Variants in AQR observed in about 807,000 individuals in gnomAD.
AQR encodes aquarius intron-binding spliceosomal factor.
AQR carries 61 observed loss-of-function variants against 180.5 expected under a neutral mutation model. That is an observed-to-expected ratio of 0.34 (90% CI 0.28 to 0.42). The LOEUF (loss-of-function observed/expected upper bound fraction) is 0.42. Ranked by LOEUF, AQR falls within the 10% of genes least tolerant of loss-of-function variation. The pLI is 1.00. For synonymous variants in AQR, 551 were observed against 588.8 expected (o/e 0.94, Z 0.93); for missense variants, 1,281 against 1,798.3 (o/e 0.71, Z 5.20).
chr15:34,960,868 A>C, intron 2 of AQR, 54 bp from the exon 3 acceptor site: 1 of 649,480 alleles, frequency 1.5e-6, no homozygotes, highest in Non-Finnish European at 2.5e-6. Context: ...TTCAACCCTA[A>C]ATTGACAGTT....
intron 14 of AQR, among the ~76,000 whole-genome samples, chr15:34,918,969 T>C (rs1893640743): frequency 6.6e-6 from 1 of 152,214 alleles, no homozygotes; most frequent in Non-Finnish European, 1.5e-5. Context: ...CCGGGTGCAG[T>C]GGCTCATGCC....
intron 14 of AQR, among the ~76,000 whole-genome samples, chr15:34,919,475 G>A (rs1017135693): frequency 2.1e-4 from 32 of 152,106 alleles, no homozygotes; most frequent in Non-Finnish European, 4.6e-4. Context: ...TAATGTTGTA[G>A]CACTATACAT....
intron 10 of AQR, among the ~76,000 whole-genome samples, chr15:34,932,783 T>C (rs1347185636): frequency 6.6e-6 from 1 of 152,052 alleles, no homozygotes; most frequent in Non-Finnish European, 1.5e-5. Flanking sequence ...GGCAAAACCC[T>C]ATCTCTACTA....
chr15:34,856,655 C>T lies in AQR; in HGVS notation c.*137G>A, dbSNP rs1203276341. ...ATTTAAAAAAATATATTCAAGACAC[C>T]GAAATCAGTTAACAAATATAAGAAC... On this transcript the variant is annotated 3_prime_UTR_variant, in exon 35 of 35. Transcript: ENST00000156471. 10 of 675,880 alleles carry T rather than the reference C, an allele frequency of 1.5e-5. No homozygotes were observed. Among genetic ancestry groups the T allele is most frequent in the South Asian group, 4.3e-5 (1 of 23,316 alleles). 41.9% of individuals were successfully genotyped at this position (675,880 alleles called of 1,614,324 possible).
intron 4 of AQR, among the ~76,000 whole-genome samples, chr15:34,950,839 T>C (rs1295950850): frequency 6.6e-6 from 1 of 152,228 alleles, no homozygotes; most frequent in Non-Finnish European, 1.5e-5. Context: ...ATACATATGC[T>C]TCCAGAGTAT....
intron 11 of AQR, among the ~76,000 whole-genome samples, chr15:34,931,960 T>G (rs928298971): frequency 2.0e-5 from 3 of 152,250 alleles, no homozygotes; most frequent in African/African-American, 7.2e-5. Context: ...TACTTCTACA[T>G]GATCAACTAT....
At chr15:34,931,150 A>G (rs1893853495) in intron 11 of AQR, among the ~76,000 whole-genome samples, 3 of 152,050 alleles carry the variant, frequency 2.0e-5, no homozygotes, top group Non-Finnish European at 2.9e-5. Context: ...TGCTTCTTTT[A>G]GGGAAAAACA....
At chr15:34,963,661 C>CTTTTTTTTTCTTTTTTTTTTTT (rs1566793151) in intron 2 of AQR, among the ~76,000 whole-genome samples, 2 of 148,684 alleles carry the variant, frequency 1.3e-5, no homozygotes, top group African/African-American at 5.0e-5. Context: ...TACACGTACA[C>CTTTTTTTTTCTTTTTTTTTTTT]TTTTTTTTTT....
chr15:34,914,750 C>T (rs1045725710), intron 16 of AQR, among the ~76,000 whole-genome samples: 3 of 152,162 alleles, frequency 2.0e-5, no homozygotes, highest in Admixed American at 6.5e-5. Context: ...AAGGTCTGAC[C>T]TACTCCCTCT....
intron 30 of AQR, among the ~76,000 whole-genome samples, 198 bp from the exon 31 acceptor site, chr15:34,871,120 C>G (rs1406034588): frequency 6.6e-6 from 1 of 152,144 alleles, no homozygotes; most frequent in Non-Finnish European, 1.5e-5. Flanking sequence ...TAAATACAAA[C>G]TTTTAATTTG....
chr15:34,861,012 TAG>T (rs1264148197), intron 33 of AQR, among the ~76,000 whole-genome samples: 1 of 152,212 alleles, frequency 6.6e-6, no homozygotes, highest in Non-Finnish European at 1.5e-5. Context: ...CACCCTAAAA[TAG>T]AGATTAACAA....
In AQR at chr15:34,886,564, A is replaced by G. The variant is rs778277781; in HGVS notation, c.2779T>C (p.Tyr927His). ...AAATAGCCTGCAGTTTCACAGGTATATGAGGCATCTCCTGGAACCCCTAGA... is the reference window on the plus strand; with the variant it reads ...AAATAGCCTGCAGTTTCACAGGTATGTGAGGCATCTCCTGGAACCCCTAGA... ...KSLGVPGDAS[Y>H]TCETAGYFFL... The change falls in exon 25 of 35, where the codon TAT becomes CAT. Residue 927 changes from tyrosine (Y) to histidine (H), a missense_variant. By Grantham distance (83) the Tyr-to-His change is moderately conservative. Around this residue, in one of 9 missense-constraint regions of AQR, gnomAD observed 125 missense variants for 185.0 expected, o/e 0.68. Transcript: ENST00000156471. The G allele has an allele frequency of 2.3e-5, 37 of 1,613,466 alleles. No individual in the cohort carries two copies. Among genetic ancestry groups the G allele is most frequent in the Non-Finnish European group, 3.1e-5 (36 of 1,179,908 alleles).
intron 4 of AQR, among the ~76,000 whole-genome samples, chr15:34,951,594 C>A (rs1449597392): frequency 6.6e-6 from 1 of 151,732 alleles, no homozygotes. Context: ...TCGCTTCTAC[C>A]CGGGAAGTGG....
Position 34,897,715 on chromosome 15 carries a change from C to A in AQR, c.2244-10G>T, listed in dbSNP as rs760666821. 22 of 1,613,038 alleles carry A rather than the reference C, an allele frequency of 1.4e-5. No homozygotes were observed. In the African/African-American group the frequency reaches 2.9e-4, roughly 22 times the overall value. On this transcript the variant is annotated splice_polypyrimidine_tract_variant and intron_variant, in intron 20 of 34. Coordinates refer to ENST00000156471, the MANE Select transcript of AQR (RefSeq NM_014691.3). ...TACTGGAAAAGTTATCCTACAAGAC[C>A]AAAACTTCTGTTCATTTTTGCAATT...
chr15:34,871,843 T>A (rs984948087), intron 30 of AQR, among the ~76,000 whole-genome samples: 1 of 151,996 alleles, frequency 6.6e-6, no homozygotes, highest in Non-Finnish European at 1.5e-5. Flanking sequence ...TAAGGCTTAT[T>A]CAACTTAAAG....
At chr15:34,874,934 G>T (rs1038372647) in intron 28 of AQR, 70 bp from the exon 29 acceptor site, 20 of 1,406,834 alleles carry the variant, frequency 1.4e-5, no homozygotes, top group African/African-American at 4.3e-5. Flanking sequence ...TTACCCGAGA[G>T]ACTCAGTCTT....
At chr15:34,904,802 A>T (rs1247999587) in intron 18 of AQR, among the ~76,000 whole-genome samples, 1 of 152,032 alleles carries the variant, frequency 6.6e-6, no homozygotes, top group Non-Finnish European at 1.5e-5. Flanking sequence ...GAGTACTTAG[A>T]AGTCAAAGAA....
At position 34,860,078 on chromosome 15, in the gene AQR, G is replaced by A. The variant is rs1467755877; in HGVS notation, c.4107C>T (p.Tyr1369=). 6.6e-6 allele frequency: 10 copies of A among 1,507,154 alleles called. No individual in the cohort carries two copies. The highest frequency in any genetic ancestry group is 8.1e-6 in the Non-Finnish European group (9 of 1,113,518). 93.4% of individuals were successfully genotyped at this position (1,507,154 alleles called of 1,614,324 possible). A position where few individuals can be genotyped will look rare whatever the true frequency, so the allele number is the denominator to read the frequency against. ...GATGTGTAGTCTGTATCAAATGCATGTACATGTTGTATACAAAGTTTGCCA... is the reference window on the plus strand; with the variant it reads ...GATGTGTAGTCTGTATCAAATGCATATACATGTTGTATACAAAGTTTGCCA... ...PQMANFVYNM[Y]MHLIQTTHHY... Residue 1369 remains tyrosine, a synonymous_variant, in exon 34 of 35, where the codon TAC becomes TAT. Coordinates refer to ENST00000156471, the MANE Select transcript of AQR (RefSeq NM_014691.3).
At position 34,862,888 on chromosome 15, in the gene AQR, TTC is replaced by T. The variant is rs1331387511; in HGVS notation, c.4006_4007del (p.Glu1336ThrfsTer6). 3 of 1,613,646 alleles carry T rather than the reference TTC, an allele frequency of 1.9e-6. No individual in the cohort carries two copies. Among genetic ancestry groups the T allele is most frequent in the Non-Finnish European group, 2.5e-6 (3 of 1,179,718 alleles). On this transcript the variant is annotated frameshift_variant, in exon 33 of 35. Coordinates refer to ENST00000156471, the MANE Select transcript of AQR (RefSeq NM_014691.3). LOFTEE classifies it high-confidence loss of function. The part of the protein sequence containing the change: ...RPLHLHIIPT[E>X]PFPTTRKNGE... ...CTACCTTTCTAGTAGTTGGGAAAGG[TTC>T]TGTTGGAATTATATGCAAATGAAGG...
Sources: gnomAD v4.1 joint callset for allele counts (sites outside exome capture counted in the v4.1 genomes callset) on GRCh38, gnomAD v4.1.1 for gene constraint, gnomAD v4.1.1 regional missense constraint, MANE v1.5 for transcripts, NCBI Gene and HGNC (gene_info 2026-07-23, HGNC 2026-07-21) for gene names.